SMAD7: variants seen among roughly 807,000 people sequenced by gnomAD.
SMAD7 encodes the protein MAD (mothers against decapentaplegic, Drosophila) homolog 7.
Under a neutral mutation model 38.7 loss-of-function variants are expected in SMAD7, and 8 were observed. That is an observed-to-expected ratio of 0.21 (90% confidence interval 0.12 to 0.37). The LOEUF is 0.37. SMAD7 is among the 10% of genes least tolerant of loss of function. The probability of loss-of-function intolerance (pLI) is 1.00; values close to 1 mark genes in which losing one functional copy is unlikely to be tolerated. For missense variants in SMAD7, 477 were observed against 577.9 expected (o/e 0.83, Z 1.79); for synonymous variants, 327 against 265.1 (o/e 1.23, Z -2.27).
chr18:48,938,951 C>G (rs1197787878), intron 3 of SMAD7, among the ~76,000 whole-genome samples: 2 of 152,148 alleles, frequency 1.3e-5, no homozygotes, highest in Non-Finnish European at 1.5e-5. Flanking sequence ...GAGTCAGGCA[C>G]AGACTGCCAA....
rs982720312 is a variant in SMAD7, at chr18:48,938,539, C to A, written c.742+3942G>T. 2.0e-5 allele frequency among the ~76,000 whole-genome samples: 3 copies of A among 152,182 alleles called. No individual in the cohort carries two copies. The East Asian group carries it at 5.8e-4, about 29-fold the overall frequency. Reference sequence around the variant, plus strand: ...AATCCCTACCCTAACTGGGCAGGTCCATATGGCTGAGGCCCAGCCAGCTCC... The same window carrying A: ...AATCCCTACCCTAACTGGGCAGGTCAATATGGCTGAGGCCCAGCCAGCTCC... On this transcript the variant is annotated intron_variant, in intron 3 of 3. Transcript: ENST00000262158.
chr18:48,933,331 G>A (rs1360903951), intron 3 of SMAD7, among the ~76,000 whole-genome samples: 7 of 152,124 alleles, frequency 4.6e-5, no homozygotes. Context: ...TCCAGGTAGA[G>A]GCAACTCCTA....
chr18:48,942,806 C>G, intron 2 of SMAD7: 1 of 1,308,076 alleles, frequency 7.6e-7, no homozygotes, highest in Non-Finnish European at 9.7e-7. Context: ...CTCAATGAGA[C>G]TGGCTGGAAT....
rs1253070276 is a variant in SMAD7, at chr18:48,942,504, T to A, written c.719A>T (p.Tyr240Phe). ...PSSAETGGTN[Y>F]LAPGGLSDSQ... ...ACCTGAAAGCCCCCCAGGGGCCAGA[T>A]AATTCGTTCCCCCTGTTTCAGCGGA... The change falls in exon 3 of 4, where the codon TAT becomes TTT. Residue 240 changes from tyrosine (Y) to phenylalanine (F), a missense_variant. Tyr to Phe is a conservative substitution (Grantham distance 22). Around this residue, in one of 2 missense-constraint regions of SMAD7, gnomAD observed 376 missense variants for 379.4 expected, o/e 0.99. Coordinates refer to ENST00000262158, the MANE Select transcript of SMAD7 (RefSeq NM_005904.4). The A allele has an allele frequency of 1.2e-6, 2 of 1,600,292 alleles. No homozygotes were observed. Among genetic ancestry groups the A allele is most frequent in the African/African-American group, 1.4e-5 (1 of 74,006 alleles).
chr18:48,947,890 C>T (rs1013318813), intron 2 of SMAD7, among the ~76,000 whole-genome samples: 3 of 122,202 alleles, frequency 2.5e-5, no homozygotes, highest in African/African-American at 1.1e-4. Flanking sequence ...CAGGAGGAAC[C>T]TACCCCCCCC....
chr18:48,946,430 C>CG (rs74174734), intron 2 of SMAD7, among the ~76,000 whole-genome samples: 3,534 of 145,988 alleles, frequency 0.024, 164 homozygotes, highest in African/African-American at 0.075. Context: ...GTGAGGGGGG[C>CG]GGGGGGGGTG....
At chr18:48,948,657 C>G (rs933342046) in intron 1 of SMAD7, among the ~76,000 whole-genome samples, 9 of 152,258 alleles carry the variant, frequency 5.9e-5, no homozygotes, top group Non-Finnish European at 5.9e-5. Flanking sequence ...CGTCTGCGGC[C>G]GCAGCCGCCG....
chr18:48,928,271 A>T (rs981629920), intron 3 of SMAD7, among the ~76,000 whole-genome samples: 1 of 152,228 alleles, frequency 6.6e-6, no homozygotes, highest in African/African-American at 2.4e-5. Flanking sequence ...CTGGACTCTG[A>T]TTCTCAGTAT....
rs1433758729 is a variant in SMAD7, at chr18:48,949,854, C to A, written c.571G>T (p.Val191Leu). The change falls in exon 1 of 4, where the codon GTG becomes TTG. Residue 191 changes from valine to leucine, a missense_variant. By Grantham distance (32) the Val-to-Leu change is conservative (BLOSUM62 1). Coordinates refer to ENST00000262158, the MANE Select transcript of SMAD7 (RefSeq NM_005904.4). ...CTAAGGTGATGGGGGTTGCAGCACACCAGCTCGGGGTTGATCTTCCCGTAA... is the reference window on the plus strand; with the variant it reads ...CTAAGGTGATGGGGGTTGCAGCACAACAGCTCGGGGTTGATCTTCCCGTAA... Reference protein sequence around the residue: ...ESYGKINPELVCCNPHHLSRL... With the variant: ...ESYGKINPELLCCNPHHLSRL... 1.2e-6 allele frequency: 2 copies of A among 1,612,568 alleles called. No individual in the cohort carries two copies. The highest frequency in any genetic ancestry group is 1.7e-6 in the Non-Finnish European group (2 of 1,179,252).
Position 48,950,632 on chromosome 18 carries a change from C to T in SMAD7, c.-208G>A. On this transcript the variant is annotated 5_prime_UTR_variant, in exon 1 of 4. Transcript: ENST00000262158. ...CGGAGGCCGGGGCGCGCGCGGGGGCCCGGGGGCGCCCGCCGGGGATCGGGG... is the reference window on the plus strand; with the variant it reads ...CGGAGGCCGGGGCGCGCGCGGGGGCTCGGGGGCGCCCGCCGGGGATCGGGG... 1 of 189,802 alleles carries T rather than the reference C, an allele frequency of 5.3e-6. No individual in the cohort carries two copies. The highest frequency in any genetic ancestry group is 1.0e-5 in the Non-Finnish European group (1 of 96,248). The allele number at this position is 189,802 out of a possible 1,614,324, so 11.8% of individuals were successfully genotyped here.
intron 3 of SMAD7, among the ~76,000 whole-genome samples, chr18:48,936,430 C>CTACA (rs975361045): frequency 6.6e-6 from 1 of 152,246 alleles, no homozygotes; most frequent in African/African-American, 2.4e-5. Context: ...CATCACCACT[C>CTACA]TACAGTTCCA....
At chr18:48,938,590 C>G (rs1267153541) in intron 3 of SMAD7, among the ~76,000 whole-genome samples, 2 of 152,148 alleles carry the variant, frequency 1.3e-5, no homozygotes, top group African/African-American at 4.8e-5. Flanking sequence ...AAGGAGGAGG[C>G]TAGAAGATGA....
chr18:48,949,001 A>C (rs1366022058), intron 1 of SMAD7, among the ~76,000 whole-genome samples: 1 of 152,268 alleles, frequency 6.6e-6, no homozygotes, highest in Non-Finnish European at 1.5e-5. Flanking sequence ...GAGTAAAGGA[A>C]GGAATGGAGA....
In SMAD7 at chr18:48,921,487, G is replaced by A. The variant is rs762653395; in HGVS notation, c.1166C>T (p.Pro389Leu). The change falls in exon 4 of 4, where the codon CCG (proline) becomes CTG (leucine). Residue 389 changes from proline to leucine, a missense_variant. Physicochemically the swap from Pro to Leu is moderately conservative, Grantham distance 98. Around this residue, in one of 2 missense-constraint regions of SMAD7, gnomAD observed 101 missense variants for 198.5 expected, o/e 0.51. Coordinates refer to ENST00000262158, the MANE Select transcript of SMAD7 (RefSeq NM_005904.4). This position sits in a 1 kb window ranked among gnomAD's most constrained non-coding sequence, Gnocchi z 6.4. ...RPNDHEFMQQ[P>L]WTGFTVQISF... ...GATCTGCACGGTAAAGCCCGTCCAC[G>A]GCTGCTGCATAAACTCGTGGTCATT... is the stretch of plus-strand genomic sequence containing the variant. 7 of 1,614,178 alleles carry A rather than the reference G, an allele frequency of 4.3e-6. No homozygotes were observed. The highest frequency in any genetic ancestry group is 1.1e-5 in the South Asian group (1 of 91,082).
rs1033980893 is a variant in SMAD7, at chr18:48,933,392, C to T, written c.742+9089G>A. ...ATCCCCATGGATTCAACATCACCTTCGGACAAGCCATTCCAACTGCCAATT... is the reference window on the plus strand; with the variant it reads ...ATCCCCATGGATTCAACATCACCTTTGGACAAGCCATTCCAACTGCCAATT... On this transcript the variant is annotated intron_variant, in intron 3 of 3. Transcript: ENST00000262158. 4.6e-5 allele frequency among the ~76,000 whole-genome samples: 7 copies of T among 152,334 alleles called. No homozygotes were observed. The South Asian group carries it at 1.4e-3, about 32-fold the overall frequency.
At chr18:48,948,487 G>A (rs746667155) in intron 1 of SMAD7, 50 bp from the exon 2 acceptor site, 2 of 1,228,218 alleles carry the variant, frequency 1.6e-6, no homozygotes, top group South Asian at 2.6e-5. Flanking sequence ...TGAGAAGAGA[G>A]ATAGAAACTT....
intron 3 of SMAD7, among the ~76,000 whole-genome samples, chr18:48,931,055 C>T (rs2069994586): frequency 6.6e-6 from 1 of 152,088 alleles, no homozygotes; most frequent in Admixed American, 6.5e-5. Context: ...GTGAAATAAG[C>T]CGATCACAAA....
intron 3 of SMAD7, among the ~76,000 whole-genome samples, chr18:48,937,565 C>T (rs950899119): frequency 1.1e-4 from 17 of 152,126 alleles, no homozygotes; most frequent in African/African-American, 3.9e-4. Context: ...ATCAGTAAGC[C>T]CTTCTCCAGG....
intron 3 of SMAD7, among the ~76,000 whole-genome samples, chr18:48,937,146 T>A (rs2070076756): frequency 1.3e-5 from 2 of 151,864 alleles, no homozygotes. Flanking sequence ...CCAAACTTGA[T>A]CATGAATTCT....
Sources: allele counts gnomAD v4.1 joint callset (sites outside exome capture counted in the v4.1 genomes callset), GRCh38; gene constraint gnomAD v4.1.1; regional missense constraint gnomAD v4.1.1; non-coding constraint Gnocchi (gnomAD v3.1); transcripts MANE v1.5; gene names NCBI Gene and HGNC (gene_info 2026-07-23, HGNC 2026-07-21).